Variants in ULK4 observed in about 807,000 individuals in gnomAD.
ULK4 encodes the protein unc-51 like kinase 4, also known as inactive serine/threonine-protein kinase ULK4.
ULK4 carries 133 observed loss-of-function variants against 160.6 expected under a neutral mutation model. That is an observed-to-expected ratio of 0.83 (90% CI 0.72 to 0.96). The LOEUF (loss-of-function observed/expected upper bound fraction) is 0.96, where lower values mean the gene tolerates loss of function less well. Ranked by LOEUF, ULK4 falls within the 40% of genes least tolerant of loss-of-function variation. The probability of loss-of-function intolerance (pLI) is 0.00; values close to 1 mark genes in which losing one functional copy is unlikely to be tolerated. For missense variants in ULK4, 1,580 were observed against 1,499.5 expected, an observed-to-expected ratio of 1.05 and a Z score of -0.89; for synonymous variants, 534 against 539.8, an observed-to-expected ratio of 0.99 and a Z score of 0.15.
intron 18 of ULK4, among the ~76,000 whole-genome samples, chr3:41,833,388 C>T (rs1443177979): frequency 6.6e-6 from 1 of 151,958 alleles, no homozygotes; most frequent in African/African-American, 2.4e-5. Context: ...CTCCGCCTCC[C>T]GGGTTCAAGC....
At chr3:41,928,887 C>A (rs1389986064) in intron 5 of ULK4, among the ~76,000 whole-genome samples, 1 of 152,134 alleles carries the variant, frequency 6.6e-6, no homozygotes, top group Non-Finnish European at 1.5e-5. Context: ...CAGAAAGATT[C>A]ACAGCCGAAT....
intron 35 of ULK4, among the ~76,000 whole-genome samples, chr3:41,272,777 T>A (rs928254281): frequency 6.6e-6 from 1 of 152,192 alleles, no homozygotes; most frequent in Admixed American, 6.5e-5. Context: ...ACAGTTATCT[T>A]TATTTATTTC....
rs11365283 is a variant in ULK4 at position 41,395,191 on chromosome 3, CAAAAA to C, written c.3678+2883_3678+2887del. Among the ~76,000 whole-genome samples, 597 of 106,346 alleles carry C rather than the reference CAAAAA, an allele frequency of 5.6e-3. 2 individuals carry two copies. Among genetic ancestry groups the C allele is most frequent in the African/African-American group, 0.018 (570 of 31,594 alleles). 69.8% of individuals were successfully genotyped at this position (106,346 alleles called of 152,430 possible). A position where few individuals can be genotyped will look rare whatever the true frequency, so the allele number is the denominator to read the frequency against. On this transcript the variant is annotated intron_variant, in intron 35 of 36. Transcript: ENST00000301831. ...TATCACATTATGATTGAAAGCACTC[CAAAAA>C]AAAAAAAAAAAAAGATGGAGAATGT...
intron 20 of ULK4, among the ~76,000 whole-genome samples, chr3:41,791,917 C>G (rs996532232): frequency 5.9e-5 from 9 of 152,178 alleles, no homozygotes; most frequent in Non-Finnish European, 8.8e-5. Flanking sequence ...TAATCACTGA[C>G]TCCATTTCAA....
rs76745877 is a variant in ULK4 at position 41,770,445 on chromosome 3, T to C, written c.2194-15957A>G. On this transcript the variant is annotated intron_variant, in intron 21 of 36. Coordinates refer to ENST00000301831, the MANE Select transcript of ULK4 (RefSeq NM_017886.4). ...CACATCCATAAAATAATCTTCCTAA[T>C]GCTACAGATTATAGGATTACTACCA... is the stretch of plus-strand genomic sequence containing the variant. Among the ~76,000 whole-genome samples the C allele has an allele frequency of 7.9e-4, 120 of 152,166 alleles. 1 individual carries two copies. The East Asian group carries it at 0.018, about 23-fold the overall frequency.
At chr3:41,700,257 A>G (rs562940244) in intron 27 of ULK4, among the ~76,000 whole-genome samples, 1 of 152,314 alleles carries the variant, frequency 6.6e-6, no homozygotes, top group South Asian at 2.1e-4. Flanking sequence ...CCATGAGAGC[A>G]TGGAGCTGAC....
At chr3:41,283,205 G>A (rs769149832) in intron 35 of ULK4, among the ~76,000 whole-genome samples, 2 of 152,220 alleles carry the variant, frequency 1.3e-5, no homozygotes, top group Admixed American at 6.5e-5. Flanking sequence ...TGGTGGGAGT[G>A]TAAATTAGTC....
intron 18 of ULK4, among the ~76,000 whole-genome samples, chr3:41,834,250 A>G (rs2041687559): frequency 6.6e-6 from 1 of 151,934 alleles, no homozygotes. Context: ...GGCATTCTGT[A>G]TAGAATAAAA....
intron 23 of ULK4, 81 bp downstream of exon 23, chr3:41,717,647 T>A: frequency 6.6e-7 from 1 of 1,526,030 alleles, no homozygotes; most frequent in Non-Finnish European, 8.9e-7. Context: ...CAAGTAAGAA[T>A]AAAAAAGAAC....
intron 31 of ULK4, among the ~76,000 whole-genome samples, chr3:41,577,165 A>T (rs2088219024): frequency 6.6e-6 from 1 of 152,202 alleles, no homozygotes; most frequent in Admixed American, 6.5e-5. Context: ...CTAAAATTTT[A>T]AAGAATGTAA....
Position 41,717,819 on chromosome 3 carries a change from T to C in ULK4, c.2364A>G (p.Pro788=). Residue 788 remains proline (P), a synonymous_variant, in exon 23 of 37, where the codon CCA becomes CCG. Coordinates refer to ENST00000301831, the MANE Select transcript of ULK4 (RefSeq NM_017886.4). ...YIERDSRKTT[P]GKEQQSGNEY... ...CATTGCCACTTTGCTGCTCCTTGCC[T>C]GGAGTGGTCTTTCTGCTGTCTCTCT... is the stretch of plus-strand genomic sequence containing the variant. 6.2e-7 allele frequency: 1 copy of C among 1,614,142 alleles called. No homozygotes were observed. Among genetic ancestry groups the C allele is most frequent in the Non-Finnish European group, 8.5e-7 (1 of 1,180,008 alleles).
Position 41,306,151 on chromosome 3 carries a change from G to A in ULK4, c.3679-56577C>T, listed in dbSNP as rs1230695496. 3.0e-4 allele frequency among the ~76,000 whole-genome samples: 27 copies of A among 88,656 alleles called. 2 individuals are homozygous for A. The highest frequency in any genetic ancestry group is 1.4e-3 in the African/African-American group (25 of 17,274). 58.2% of individuals were successfully genotyped at this position (88,656 alleles called of 152,430 possible). ...GGTGGGGGGGGGGGGTCAGCCCCCC[G>A]CCAGGCCAGCCGCCCCATCCGGGAG... is the stretch of plus-strand genomic sequence containing the variant. On this transcript the variant is annotated intron_variant, in intron 35 of 36. Transcript: ENST00000301831.
chr3:41,746,272 C>CAAAAAAAAAAAAAAAAAAAAA (rs34582395), intron 22 of ULK4, among the ~76,000 whole-genome samples: 5 of 45,714 alleles, frequency 1.1e-4, no homozygotes, highest in African/African-American at 5.3e-4. Context: ...CTGGAACCCA[C>CAAAAAAAAAAAAAAAAAAAAA]AAAAAAAAAA....
At chr3:41,409,512 T>A (rs1410271159) in intron 34 of ULK4, among the ~76,000 whole-genome samples, 1 of 152,218 alleles carries the variant, frequency 6.6e-6, no homozygotes, top group Non-Finnish European at 1.5e-5. Context: ...ACATGATATA[T>A]AATATTTCTT....
At chr3:41,898,750 T>G (rs1311011093) in intron 13 of ULK4, among the ~76,000 whole-genome samples, 4 of 152,224 alleles carry the variant, frequency 2.6e-5, no homozygotes, top group Non-Finnish European at 5.9e-5. Context: ...CTTGGCTTAC[T>G]TTTTAGCTAA....
At chr3:41,332,497 G>A (rs1215374521) in intron 35 of ULK4, among the ~76,000 whole-genome samples, 4 of 152,172 alleles carry the variant, frequency 2.6e-5, no homozygotes, top group Admixed American at 1.3e-4. Context: ...ACTGCTCAAC[G>A]GGTTAAGTCT....
intron 19 of ULK4, among the ~76,000 whole-genome samples, chr3:41,803,444 G>C (rs927926114): frequency 1.3e-5 from 2 of 152,086 alleles, no homozygotes; most frequent in Non-Finnish European, 2.9e-5. Context: ...TTCTAGAAGA[G>C]GTCATAAAGA....
chr3:41,805,078 T>G (rs1279935266), intron 19 of ULK4, among the ~76,000 whole-genome samples: 1 of 152,216 alleles, frequency 6.6e-6, no homozygotes, highest in Non-Finnish European at 1.5e-5. Flanking sequence ...TTGGGCAGTA[T>G]GGCCATTTTC....
rs138603893 is a variant in ULK4 at position 41,949,612 on chromosome 3, T to C, written c.138+5010A>G. On this transcript the variant is annotated intron_variant, in intron 2 of 36. Coordinates refer to ENST00000301831, the MANE Select transcript of ULK4 (RefSeq NM_017886.4). The stretch of plus-strand genomic sequence containing the variant: ...CACACCTGGCTAATTTTTATATTTT[T>C]AGTAGAGACAGGGTTTCACCATGTT... Among the ~76,000 whole-genome samples the C allele has an allele frequency of 1.4e-3, 220 of 151,854 alleles. 4 individuals carry two copies. In the East Asian group the frequency reaches 0.037, roughly 26 times the overall value.
Sources: allele counts gnomAD v4.1 joint callset (sites outside exome capture counted in the v4.1 genomes callset), GRCh38; gene constraint gnomAD v4.1.1; transcripts MANE v1.5; gene names NCBI Gene and HGNC (gene_info 2026-07-23, HGNC 2026-07-21).